The following HAT1 variants were observed in gnomAD, a reference collection of about 807,000 sequenced individuals.
HAT1 encodes the protein histone acetyltransferase type B catalytic subunit.
Under a neutral mutation model 56.6 loss-of-function variants are expected in HAT1, and 20 were observed. That is an observed-to-expected ratio of 0.35 (90% CI 0.25 to 0.51). HAT1 has a LOEUF of 0.51. HAT1 is among the 20% of genes least tolerant of loss of function. The pLI, the probability that HAT1 is intolerant of heterozygous loss-of-function variation, is 0.95. For synonymous variants in HAT1, 146 were observed against 165.5 expected (o/e 0.88, Z 0.91); for missense variants, 408 against 504.3 (o/e 0.81, Z 1.83).
chr2:171,954,709 T>A (rs1398595644), intron 4 of HAT1, among the ~76,000 whole-genome samples: 1 of 152,216 alleles, frequency 6.6e-6, no homozygotes, highest in African/African-American at 2.4e-5. Context: ...GAGATGAGTA[T>A]GCATCTGTGG....
rs1353025999 is a variant in HAT1, at chr2:171,933,270, G to T, written c.112+7629G>T. On this transcript the variant is annotated intron_variant, in intron 2 of 10. Coordinates refer to ENST00000264108, the MANE Select transcript of HAT1 (RefSeq NM_003642.4). ...GATGGAGTCTCACTGTGTTGCTCAG[G>T]GTGGTCTCGAACTCCTGGGCTCAAG... Among the ~76,000 whole-genome samples the T allele has an allele frequency of 2.0e-5, 3 of 152,042 alleles. No homozygotes were observed. In the East Asian group the frequency reaches 5.8e-4, roughly 29 times the overall value.
At chr2:171,951,356 C>G (rs1189315487) in intron 3 of HAT1, among the ~76,000 whole-genome samples, 1 of 152,128 alleles carries the variant, frequency 6.6e-6, no homozygotes, top group African/African-American at 2.4e-5. Context: ...TTATTCTCTA[C>G]TTTTTACTAC....
intron 8 of HAT1, among the ~76,000 whole-genome samples, chr2:171,974,786 T>C (rs1159669048): frequency 6.6e-6 from 1 of 152,224 alleles, no homozygotes; most frequent in Non-Finnish European, 1.5e-5. Flanking sequence ...TTATCATGAA[T>C]TGATGTTGGA....
At chr2:171,972,988 T>C (rs1322262036) in intron 8 of HAT1, among the ~76,000 whole-genome samples, 4 of 152,174 alleles carry the variant, frequency 2.6e-5, no homozygotes, top group Admixed American at 6.5e-5. Context: ...TGGCATCCAA[T>C]TGGGGTTCTT....
At chr2:171,960,922 A>G (rs1461518522) in intron 4 of HAT1, among the ~76,000 whole-genome samples, 1 of 152,082 alleles carries the variant, frequency 6.6e-6, no homozygotes, top group Non-Finnish European at 1.5e-5. Flanking sequence ...TGGACAGGTC[A>G]CTTGAGGTCA....
intron 2 of HAT1, among the ~76,000 whole-genome samples, chr2:171,944,603 G>T (rs1391452641): frequency 6.6e-6 from 1 of 152,078 alleles, no homozygotes; most frequent in Non-Finnish European, 1.5e-5. Context: ...ATGGATTTTG[G>T]TACAGTCAGG....
chr2:171,977,543 ATATATATATATATATTTTTTTTTTTT>A (rs1460133124), intron 9 of HAT1, among the ~76,000 whole-genome samples: 2 of 13,846 alleles, frequency 1.4e-4, no homozygotes, highest in East Asian at 4.1e-3. Context: ...ATATATATAT[ATATATATATATATATTTTTTTTTTTT>A]TTTTTTTTTT....
intron 4 of HAT1, among the ~76,000 whole-genome samples, chr2:171,953,215 ATGT>A (rs1280125684): frequency 2.2e-4 from 33 of 152,018 alleles, no homozygotes; most frequent in Middle Eastern, 3.4e-3. Context: ...GCGTGGTGGC[ATGT>A]GTCTGTAATT....
intron 10 of HAT1, among the ~76,000 whole-genome samples, chr2:171,982,232 C>T (rs902607205): frequency 5.3e-5 from 8 of 152,166 alleles, no homozygotes; most frequent in Non-Finnish European, 2.9e-5. Flanking sequence ...GGTGTGGTGG[C>T]TCATGGCTGT....
intron 6 of HAT1, 112 bp downstream of exon 6, chr2:171,966,020 A>G: frequency 1.6e-5 from 16 of 978,370 alleles, no homozygotes; most frequent in Non-Finnish European, 2.4e-5. Context: ...CCAGGAAAGA[A>G]AAACTATTGT....
intron 4 of HAT1, among the ~76,000 whole-genome samples, chr2:171,958,612 C>A (rs917395365): frequency 2.0e-5 from 3 of 152,020 alleles, no homozygotes; most frequent in African/African-American, 7.2e-5. Flanking sequence ...ATGCCATGTG[C>A]TCCCAGTTTA....
chr2:171,981,343 G>A (rs1443700), intron 10 of HAT1, among the ~76,000 whole-genome samples: 34,413 of 152,032 alleles, frequency 0.23, 4,910 homozygotes, highest in African/African-American at 0.38. Flanking sequence ...GGGAACATAA[G>A]TGACCAAGTT....
chr2:171,964,502 T>A (rs1397186516), intron 4 of HAT1, among the ~76,000 whole-genome samples: 1 of 152,196 alleles, frequency 6.6e-6, no homozygotes, highest in Non-Finnish European at 1.5e-5. Context: ...TTTGTTAAGT[T>A]GAGACCAATT....
intron 4 of HAT1, among the ~76,000 whole-genome samples, chr2:171,962,012 CAAAAA>C (rs1687588362): frequency 6.6e-6 from 1 of 151,430 alleles, no homozygotes; most frequent in Admixed American, 6.6e-5. Context: ...ATTTCAATCT[CAAAAA>C]TAACTAGACA....
At chr2:171,949,098 T>A (rs1356615698) in intron 3 of HAT1, among the ~76,000 whole-genome samples, 1 of 152,202 alleles carries the variant, frequency 6.6e-6, no homozygotes, top group East Asian at 1.9e-4. Context: ...AAATGGTAAT[T>A]TTGTAACTCT....
intron 2 of HAT1, among the ~76,000 whole-genome samples, chr2:171,944,589 T>A (rs1687110727): frequency 6.6e-6 from 1 of 152,010 alleles, no homozygotes; most frequent in African/African-American, 2.4e-5. Flanking sequence ...AGGACTTGAG[T>A]ATGATGGATT....
chr2:171,969,340 G>T (rs1024934252), intron 8 of HAT1, among the ~76,000 whole-genome samples: 11 of 152,032 alleles, frequency 7.2e-5, no homozygotes, highest in Non-Finnish European at 1.2e-4. Context: ...AGAATATTAT[G>T]TGAATTGTTT....
chr2:171,954,165 C>G (rs753029991), intron 4 of HAT1, among the ~76,000 whole-genome samples: 2 of 151,984 alleles, frequency 1.3e-5, no homozygotes, highest in Non-Finnish European at 2.9e-5. Context: ...TTTTTGCCAA[C>G]TTTTGTTTTT....
chr2:171,965,233 C>G, intron 4 of HAT1, 105 bp from the exon 5 acceptor site: 2 of 689,246 alleles, frequency 2.9e-6, no homozygotes, highest in Non-Finnish European at 4.8e-6. Context: ...TAGTTTTCAA[C>G]CAAAGTTTTG....
Sources: gnomAD v4.1 joint callset for allele counts (sites outside exome capture counted in the v4.1 genomes callset) on GRCh38, gnomAD v4.1.1 for gene constraint, MANE v1.5 for transcripts, NCBI Gene and HGNC (gene_info 2026-07-23, HGNC 2026-07-21) for gene names.